Variants in RANBP2 observed in about 807,000 individuals in gnomAD.
The protein encoded by RANBP2 is E3 SUMO-protein ligase RanBP2.
Under a neutral mutation model 303.6 loss-of-function variants are expected in RANBP2, and 57 were observed. That is an observed-to-expected ratio of 0.19 (90% confidence interval 0.15 to 0.23). The LOEUF is 0.23. Among genes scored for constraint, RANBP2 ranks in the 10% least tolerant of loss-of-function variants. The pLI is 1.00. For missense variants in RANBP2, 3,138 were observed against 3,780.8 expected (o/e 0.83, Z 4.46); for synonymous variants, 1,167 against 1,301.5 (o/e 0.90, Z 2.23).
At chr2:109,538,948 A>C in the RANBP2 span, among the ~76,000 whole-genome samples, 1 of 152,228 alleles carries the variant, frequency 6.6e-6, no homozygotes, top group African/African-American at 2.4e-5. Context: ...TGCAGTGATA[A>C]TACTTTTTTG....
intron 6 of RANBP2, among the ~76,000 whole-genome samples, chr2:108,738,401 C>T (rs998787843): frequency 7.3e-5 from 11 of 151,704 alleles, no homozygotes; most frequent in Admixed American, 1.3e-4. Flanking sequence ...CCTCTTGATC[C>T]GTCTACCTTG....
intron 23 of RANBP2, among the ~76,000 whole-genome samples, chr2:108,773,882 C>T (rs1409400598): frequency 3.9e-5 from 6 of 152,090 alleles, no homozygotes; most frequent in Non-Finnish European, 1.5e-5. Context: ...CTCTTGACCT[C>T]GTGATCCACC....
the RANBP2 span, among the ~76,000 whole-genome samples, chr2:109,089,128 G>C: frequency 6.6e-6 from 1 of 151,668 alleles, no homozygotes; most frequent in Non-Finnish European, 1.5e-5. Flanking sequence ...AAAAGCGAGA[G>C]AGAGGCAAAC....
At chr2:108,860,935 C>CTTTGTTTTTTTTTTTTT in the RANBP2 span, among the ~76,000 whole-genome samples, 1 of 37,914 alleles carries the variant, frequency 2.6e-5, no homozygotes, top group Non-Finnish European at 4.4e-5. Flanking sequence ...TGGTCCAGGA[C>CTTTGTTTTTTTTTTTTT]TTTTTTTTTT....
At chr2:109,361,725 C>T in the RANBP2 span, among the ~76,000 whole-genome samples, 1 of 152,176 alleles carries the variant, frequency 6.6e-6, no homozygotes, top group African/African-American at 2.4e-5. Context: ...ATCTGCCCAC[C>T]TCAGCCTCCC....
chr2:109,210,357 T>G, the RANBP2 span, among the ~76,000 whole-genome samples: 1 of 152,366 alleles, frequency 6.6e-6, no homozygotes, highest in Middle Eastern at 3.4e-3. Context: ...GTCACTGATC[T>G]GTGAAGTCCA....
At chr2:108,746,075 TAAAA>T (rs1294246669) in intron 7 of RANBP2, among the ~76,000 whole-genome samples, 14 of 151,516 alleles carry the variant, frequency 9.2e-5, no homozygotes. Context: ...CCTGGCTAAT[TAAAA>T]AAAACATTTT....
At chr2:108,835,139 A>G in the RANBP2 span, among the ~76,000 whole-genome samples, 24 of 152,372 alleles carry the variant, frequency 1.6e-4, no homozygotes, top group African/African-American at 5.8e-4. Context: ...TCTGACAACA[A>G]AGGAAGTTTA....
chr2:109,626,948 G>A, the RANBP2 span, among the ~76,000 whole-genome samples: 1 of 152,152 alleles, frequency 6.6e-6, no homozygotes, highest in Admixed American at 6.5e-5. Flanking sequence ...ACGGCTGGGT[G>A]GTGTGTGCTC....
At chr2:108,919,045 G>C in the RANBP2 span, among the ~76,000 whole-genome samples, 3 of 152,150 alleles carry the variant, frequency 2.0e-5, no homozygotes, top group Non-Finnish European at 2.9e-5. Context: ...CGCTGTGTCA[G>C]AATCCATTGC....
At chr2:109,301,013 C>A in the RANBP2 span, among the ~76,000 whole-genome samples, 1 of 152,188 alleles carries the variant, frequency 6.6e-6, no homozygotes, top group Non-Finnish European at 1.5e-5. Flanking sequence ...TGCAGAGGGG[C>A]AGGGTGTCTC....
the RANBP2 span, among the ~76,000 whole-genome samples, chr2:109,140,630 C>CTCA: frequency 6.6e-6 from 1 of 152,216 alleles, no homozygotes; most frequent in Non-Finnish European, 1.5e-5. Flanking sequence ...ATCCACCTGC[C>CTCA]TCAGCCTCCC....
the RANBP2 span, among the ~76,000 whole-genome samples, chr2:109,661,558 C>T: frequency 6.6e-6 from 1 of 152,002 alleles, no homozygotes; most frequent in Non-Finnish European, 1.5e-5. Flanking sequence ...GTAGAAGGTT[C>T]TATGGGCCAG....
chr2:109,133,332 C>G, the RANBP2 span, among the ~76,000 whole-genome samples: 1 of 152,182 alleles, frequency 6.6e-6, no homozygotes, highest in Non-Finnish European at 1.5e-5. Flanking sequence ...GTTTGAAAAT[C>G]TCTTCTGTGT....
At chr2:109,547,369 G>GTTTT in the RANBP2 span, among the ~76,000 whole-genome samples, 2 of 117,850 alleles carry the variant, frequency 1.7e-5, no homozygotes, top group African/African-American at 3.2e-5. Flanking sequence ...TAATAAACTT[G>GTTTT]TTTTTTTTTT....
chr2:108,749,159 T>TCCGTCTTAA, intron 9 of RANBP2, 30 bp downstream of exon 9: 1 of 1,611,884 alleles, frequency 6.2e-7, no homozygotes. Flanking sequence ...GGAAATGGTC[T>TCCGTCTTAA]CCGTCTTAAT....
chr2:109,393,996 G>C, the RANBP2 span, among the ~76,000 whole-genome samples: 2 of 152,054 alleles, frequency 1.3e-5, no homozygotes, highest in South Asian at 4.1e-4. Context: ...CCTCCCCACC[G>C]GAGTCAGGAG....
chr2:109,597,797 G>A, the RANBP2 span, among the ~76,000 whole-genome samples: 2 of 152,176 alleles, frequency 1.3e-5, no homozygotes, highest in African/African-American at 4.8e-5. Context: ...GGAAAGTCTG[G>A]TGCTGCACCT....
chr2:109,106,051 C>T, the RANBP2 span, among the ~76,000 whole-genome samples: 12 of 150,648 alleles, frequency 8.0e-5, no homozygotes, highest in African/African-American at 2.7e-4. Context: ...TTAGTAGAGA[C>T]GGGGTTTCAC....
Sources: allele counts gnomAD v4.1 joint callset (sites outside exome capture counted in the v4.1 genomes callset), GRCh38; gene constraint gnomAD v4.1.1; transcripts MANE v1.5; gene names NCBI Gene and HGNC (gene_info 2026-07-23, HGNC 2026-07-21).